Variants in MITF observed in about 807,000 individuals in gnomAD.
MITF encodes the protein microphthalmia-associated transcription factor.
In MITF, 17 loss-of-function variants were observed where a neutral mutation model predicts 60.5. That is an observed-to-expected ratio of 0.28 (90% CI 0.19 to 0.42). The LOEUF is 0.42. MITF is among the 10% of genes least tolerant of loss of function. The pLI is 1.00. For synonymous variants in MITF, 260 were observed against 248.5 expected (o/e 1.05, Z -0.43); for missense variants, 622 against 683.5 (o/e 0.91, Z 1.00).
intron 1 of MITF, among the ~76,000 whole-genome samples, chr3:69,762,220 A>C (rs1401231653): frequency 5.9e-5 from 9 of 152,348 alleles, no homozygotes; most frequent in Non-Finnish European, 1.0e-4. Context: ...GTTATAAAAA[A>C]TCCTAGTTAA....
At chr3:69,835,908 G>A (rs1448524645) in intron 1 of MITF, among the ~76,000 whole-genome samples, 5 of 152,126 alleles carry the variant, frequency 3.3e-5, no homozygotes, top group Non-Finnish European at 7.4e-5. Flanking sequence ...GTCAGGTAGT[G>A]TGATGCTTCT....
chr3:69,772,866 T>C (rs2062414170), intron 1 of MITF, among the ~76,000 whole-genome samples: 1 of 152,196 alleles, frequency 6.6e-6, no homozygotes, highest in Non-Finnish European at 1.5e-5. Context: ...GGAAGTTGTC[T>C]AGGTATGAGG....
intron 2 of MITF, among the ~76,000 whole-genome samples, chr3:69,936,002 A>C (rs1048045505): frequency 1.3e-5 from 2 of 152,202 alleles, no homozygotes; most frequent in Non-Finnish European, 2.9e-5. Context: ...TTATCCACAT[A>C]AATATATATC....
chr3:69,762,389 A>G (rs950466134), intron 1 of MITF, among the ~76,000 whole-genome samples: 9 of 152,230 alleles, frequency 5.9e-5, no homozygotes, highest in Admixed American at 4.6e-4. Flanking sequence ...CATACCAAGA[A>G]AAGTGTAAAC....
intron 1 of MITF, among the ~76,000 whole-genome samples, chr3:69,774,458 G>T (rs1453680780): frequency 6.6e-6 from 1 of 152,174 alleles, no homozygotes; most frequent in Non-Finnish European, 1.5e-5. Flanking sequence ...GTCAGTTTCT[G>T]TATTTCCTCT....
At chr3:69,758,119 A>G (rs1466081810) in intron 1 of MITF, among the ~76,000 whole-genome samples, 2 of 141,874 alleles carry the variant, frequency 1.4e-5, no homozygotes, top group Admixed American at 7.4e-5. Flanking sequence ...TATCATATGC[A>G]CACACACACA....
At chr3:69,852,953 A>G (rs1469124972) in intron 1 of MITF, among the ~76,000 whole-genome samples, 1 of 152,200 alleles carries the variant, frequency 6.6e-6, no homozygotes, top group Non-Finnish European at 1.5e-5. Context: ...GTTAGAGAAT[A>G]AGTTGTTTAT....
At chr3:69,804,356 C>G (rs1395829815) in intron 1 of MITF, among the ~76,000 whole-genome samples, 1 of 151,274 alleles carries the variant, frequency 6.6e-6, no homozygotes, top group East Asian at 2.0e-4. Flanking sequence ...TCTCTCCTCT[C>G]CCTTCTCCAC....
At chr3:69,922,638 C>T (rs1033331794) in intron 2 of MITF, among the ~76,000 whole-genome samples, 7 of 152,118 alleles carry the variant, frequency 4.6e-5, no homozygotes, top group African/African-American at 4.8e-5. Context: ...CAACTGAGTA[C>T]GTAACAACTG....
intron 1 of MITF, among the ~76,000 whole-genome samples, chr3:69,755,433 G>GTTTTTGTTTTTTT (rs1704103030): frequency 2.8e-5 from 1 of 35,396 alleles, no homozygotes; most frequent in Non-Finnish European, 4.5e-5. Context: ...ACCCTTCTGG[G>GTTTTTGTTTTTTT]TTTTTTTTTT....
At chr3:69,915,231 G>A (rs1018290370) in intron 2 of MITF, among the ~76,000 whole-genome samples, 2 of 152,154 alleles carry the variant, frequency 1.3e-5, no homozygotes, top group African/African-American at 4.8e-5. Context: ...GTAAGATACA[G>A]CCTAGAGAAA....
At chr3:69,947,093 A>G (rs2066116045) in intron 5 of MITF, among the ~76,000 whole-genome samples, 1 of 152,210 alleles carries the variant, frequency 6.6e-6, no homozygotes, top group Non-Finnish European at 1.5e-5. Flanking sequence ...ATCAGTTGCT[A>G]TTATTTATCC....
Position 69,870,458 on chromosome 3 carries a change from C to T in MITF, c.105-8676C>T, listed in dbSNP as rs536710869. On this transcript the variant is annotated intron_variant, in intron 1 of 9. Transcript: ENST00000352241. ...TATATATATTTTTTTTTTTTTGAGACGGAATCTCGCTCTGTCACCAGGCTG... is the reference window on the plus strand; with the variant it reads ...TATATATATTTTTTTTTTTTTGAGATGGAATCTCGCTCTGTCACCAGGCTG... Among the ~76,000 whole-genome samples, 307 of 136,678 alleles carry T rather than the reference C, an allele frequency of 2.2e-3. 1 individual carries two copies. The highest frequency in any genetic ancestry group is 8.6e-3 in the African/African-American group (301 of 35,108). 89.7% of individuals were successfully genotyped at this position (136,678 alleles called of 152,430 possible).
intron 4 of MITF, among the ~76,000 whole-genome samples, chr3:69,940,217 A>G (rs2065938028): frequency 6.6e-6 from 1 of 152,186 alleles, no homozygotes. Context: ...TCTAGAAAGC[A>G]GGAGAACGGG....
At chr3:69,852,324 T>C (rs2063838459) in intron 1 of MITF, among the ~76,000 whole-genome samples, 1 of 152,242 alleles carries the variant, frequency 6.6e-6, no homozygotes, top group South Asian at 2.1e-4. Flanking sequence ...TGCCTCCTCC[T>C]AGTCAACCCC....
intron 1 of MITF, among the ~76,000 whole-genome samples, chr3:69,826,516 A>G (rs1035678611): frequency 4.6e-5 from 7 of 152,216 alleles, no homozygotes; most frequent in Admixed American, 1.3e-4. Context: ...CAGTGAGGCT[A>G]TGAACATTCA....
At chr3:69,742,901 A>G (rs143533524) in intron 1 of MITF, among the ~76,000 whole-genome samples, 212 of 152,120 alleles carry the variant, frequency 1.4e-3, no homozygotes, top group Non-Finnish European at 2.5e-3. Context: ...TTGTCCAGCT[A>G]TATATTTTTT....
rs373870528 is a variant in MITF at position 69,859,097 on chromosome 3, AG to A, written c.105-20034del. 5.4e-4 allele frequency among the ~76,000 whole-genome samples: 82 copies of A among 152,336 alleles called. 1 individual carries two copies. The East Asian group carries it at 0.015, about 27-fold the overall frequency. On this transcript the variant is annotated intron_variant, in intron 1 of 9. Coordinates refer to ENST00000352241, the MANE Select transcript of MITF (RefSeq NM_001354604.2). ...TACCCAGAGTAAAACTAGGATACGA[AG>A]GGTGGTGTGTGTGTCTGCATTGAAT...
chr3:69,809,630 T>G (rs980386389), intron 1 of MITF, among the ~76,000 whole-genome samples: 2 of 151,720 alleles, frequency 1.3e-5, no homozygotes, highest in African/African-American at 4.8e-5. Context: ...AAGTACATTT[T>G]TTTTTTTTTT....
Sources: gnomAD v4.1 joint callset for allele counts (sites outside exome capture counted in the v4.1 genomes callset) on GRCh38, gnomAD v4.1.1 for gene constraint, MANE v1.5 for transcripts, NCBI Gene and HGNC (gene_info 2026-07-23, HGNC 2026-07-21) for gene names.